CDH18: variants seen among roughly 807,000 people sequenced by gnomAD.
CDH18 encodes cadherin 18, also known as cadherin-18.
In CDH18, 31 loss-of-function variants were observed where a neutral mutation model predicts 67.9. The observed-to-expected ratio is 0.46, with a 90% confidence interval of 0.34 to 0.62. The LOEUF (loss-of-function observed/expected upper bound fraction) is 0.62. Among genes scored for constraint, CDH18 ranks in the 20% least tolerant of loss-of-function variants. The probability of loss-of-function intolerance (pLI) is 0.01; values close to 1 mark genes in which losing one functional copy is unlikely to be tolerated. For synonymous variants in CDH18, 362 were observed against 347.2 expected (o/e 1.04, Z -0.48); for missense variants, 890 against 975.5 (o/e 0.91, Z 1.17).
At chr5:20,435,221 C>T (rs1217643014) in intron 1 of CDH18, among the ~76,000 whole-genome samples, 1 of 151,988 alleles carries the variant, frequency 6.6e-6, no homozygotes, top group Non-Finnish European at 1.5e-5. Context: ...CTGAGTGTGT[C>T]AACATTTATT....
At chr5:19,823,811 C>T (rs72740839) in intron 3 of CDH18, among the ~76,000 whole-genome samples, 2 of 152,262 alleles carry the variant, frequency 1.3e-5, no homozygotes, top group Non-Finnish European at 2.9e-5. Flanking sequence ...ACTCTAAGAT[C>T]AACCACATGC....
chr5:20,455,956 C>G (rs1209916465), intron 1 of CDH18, among the ~76,000 whole-genome samples: 2 of 152,012 alleles, frequency 1.3e-5, no homozygotes, highest in African/African-American at 4.8e-5. Flanking sequence ...GGTAATCATG[C>G]AGCTGATAAC....
chr5:19,795,173 A>T (rs1776732560), intron 3 of CDH18, among the ~76,000 whole-genome samples: 1 of 152,136 alleles, frequency 6.6e-6, no homozygotes, highest in Non-Finnish European at 1.5e-5. Context: ...AAGAATAAGC[A>T]GTCAGTAGAA....
At chr5:19,513,584 T>C (rs376225517) in intron 10 of CDH18, among the ~76,000 whole-genome samples, 2 of 152,132 alleles carry the variant, frequency 1.3e-5, no homozygotes, top group East Asian at 3.9e-4. Context: ...TCATAAATTG[T>C]TATTCTATTT....
At chr5:19,920,819 A>C (rs1792353339) in intron 2 of CDH18, among the ~76,000 whole-genome samples, 1 of 150,354 alleles carries the variant, frequency 6.7e-6, no homozygotes, top group South Asian at 2.1e-4. Flanking sequence ...GCCCCATTTA[A>C]CCTTACTTTT....
At chr5:20,045,816 A>C (rs961520979) in intron 2 of CDH18, among the ~76,000 whole-genome samples, 70 of 152,048 alleles carry the variant, frequency 4.6e-4, no homozygotes, top group African/African-American at 1.7e-3. Context: ...AGACATCCTT[A>C]ATATCTTCAG....
chr5:19,765,552 T>G (rs947519637), intron 3 of CDH18, among the ~76,000 whole-genome samples: 2 of 152,140 alleles, frequency 1.3e-5, no homozygotes, highest in Non-Finnish European at 2.9e-5. Flanking sequence ...GGTTATTGAA[T>G]AACATAATTT....
chr5:19,842,572 C>T (rs1782456744), intron 2 of CDH18, among the ~76,000 whole-genome samples: 1 of 152,108 alleles, frequency 6.6e-6, no homozygotes, highest in Non-Finnish European at 1.5e-5. Context: ...TTATAAATTT[C>T]CCAGGCTTGG....
At chr5:20,170,693 G>A (rs1736632843) in intron 2 of CDH18, among the ~76,000 whole-genome samples, 1 of 152,030 alleles carries the variant, frequency 6.6e-6, no homozygotes, top group African/African-American at 2.4e-5. Context: ...AATTTTGGTG[G>A]TTGTTGTTTT....
intron 2 of CDH18, among the ~76,000 whole-genome samples, chr5:20,110,814 G>C (rs1013849334): frequency 6.6e-6 from 1 of 152,064 alleles, no homozygotes; most frequent in African/African-American, 2.4e-5. Flanking sequence ...TTGAGAATAT[G>C]GAATGTTAAA....
At chr5:20,183,943 T>C (rs1737893254) in intron 2 of CDH18, among the ~76,000 whole-genome samples, 3 of 152,070 alleles carry the variant, frequency 2.0e-5, no homozygotes, top group African/African-American at 7.2e-5. Context: ...ATTTTTATGG[T>C]AGGTAATGAA....
At chr5:20,092,624 G>A (rs906270754) in intron 2 of CDH18, among the ~76,000 whole-genome samples, 3 of 152,076 alleles carry the variant, frequency 2.0e-5, no homozygotes, top group African/African-American at 2.4e-5. Context: ...ATATATATGT[G>A]TATTTTTTAA....
chr5:20,521,766 G>T (rs1253186560), intron 1 of CDH18, among the ~76,000 whole-genome samples: 1 of 151,750 alleles, frequency 6.6e-6, no homozygotes, highest in Non-Finnish European at 1.5e-5. Context: ...TCTTGTAGGG[G>T]TAACTGGGAA....
At chr5:20,319,603 C>T (rs548805236) in intron 1 of CDH18, among the ~76,000 whole-genome samples, 8 of 152,072 alleles carry the variant, frequency 5.3e-5, no homozygotes. Context: ...GCTTGCATAA[C>T]CACAAAACAT....
rs573205169 is a variant in CDH18, at chr5:19,975,980, G to A, written c.-257+5080C>T. On this transcript the variant is annotated intron_variant, in intron 2 of 12. Transcript: ENST00000382275. ...TCTCAGAGAAACAGCTATTCCTAAC[G>A]GTTACTTATTTCCAGAGTCACAGTC... is the stretch of plus-strand genomic sequence containing the variant. 2.2e-4 allele frequency among the ~76,000 whole-genome samples: 33 copies of A among 152,212 alleles called. 1 individual carries two copies. The South Asian group carries it at 6.0e-3, about 28-fold the overall frequency.
chr5:19,570,891 C>T (rs1401150403), intron 8 of CDH18, among the ~76,000 whole-genome samples: 1 of 152,132 alleles, frequency 6.6e-6, no homozygotes. Context: ...ATTCTTTGTT[C>T]ACATATTTGG....
chr5:19,802,290 A>G (rs1777552316), intron 3 of CDH18, among the ~76,000 whole-genome samples: 1 of 152,190 alleles, frequency 6.6e-6, no homozygotes, highest in East Asian at 1.9e-4. Flanking sequence ...TGAACAAGCA[A>G]TTACCGAACA....
intron 3 of CDH18, among the ~76,000 whole-genome samples, chr5:19,781,374 A>T (rs1166606689): frequency 6.6e-6 from 1 of 152,130 alleles, no homozygotes; most frequent in Non-Finnish European, 1.5e-5. Flanking sequence ...AAAATGTACC[A>T]CTAGCCCTAC....
intron 2 of CDH18, among the ~76,000 whole-genome samples, chr5:19,841,442 T>C (rs1782307848): frequency 6.6e-6 from 1 of 152,124 alleles, no homozygotes; most frequent in African/African-American, 2.4e-5. Context: ...ACTGCCCTCA[T>C]TTATTAAAAT....
Sources: gnomAD v4.1 joint callset for allele counts (sites outside exome capture counted in the v4.1 genomes callset) on GRCh38, gnomAD v4.1.1 for gene constraint, MANE v1.5 for transcripts, NCBI Gene and HGNC (gene_info 2026-07-23, HGNC 2026-07-21) for gene names.